The following SLC1A6 variants were observed in gnomAD, a reference collection of about 807,000 sequenced individuals.
SLC1A6 encodes the protein solute carrier family 1 member 6.
Under a neutral mutation model 42.1 loss-of-function variants are expected in SLC1A6, and 15 were observed. That is an observed-to-expected ratio of 0.36 (90% confidence interval 0.24 to 0.55). The LOEUF is 0.55. Among genes scored for constraint, SLC1A6 ranks in the 20% least tolerant of loss-of-function variants. The probability of loss-of-function intolerance (pLI) is 0.88; values close to 1 mark genes in which losing one functional copy is unlikely to be tolerated. For synonymous variants in SLC1A6, 317 were observed against 319.7 expected, an observed-to-expected ratio of 0.99 and a Z score of 0.09; for missense variants, 542 against 772.5, an observed-to-expected ratio of 0.70 and a Z score of 3.54.
At chr19:15,001,034 T>G (rs553599631) in intron 1 of SLC1A6, among the ~76,000 whole-genome samples, 26 of 152,180 alleles carry the variant, frequency 1.7e-4, no homozygotes, top group Non-Finnish European at 2.9e-4. Flanking sequence ...AACAGGAATG[T>G]TCATAGCAGA....
chr19:14,987,848 C>G (rs73514057), intron 1 of SLC1A6, among the ~76,000 whole-genome samples: 4 of 151,974 alleles, frequency 2.6e-5, no homozygotes, highest in African/African-American at 9.7e-5. Context: ...TCGGTTTTGG[C>G]TTTTTTATTT....
At chr19:14,954,076 G>C in intron 8 of SLC1A6, 59 bp downstream of exon 8, 19 of 1,290,500 alleles carry the variant, frequency 1.5e-5, no homozygotes, top group East Asian at 7.5e-5. Flanking sequence ...AACCCTCCCA[G>C]CCAAGCTGAT....
intron 1 of SLC1A6, among the ~76,000 whole-genome samples, chr19:14,987,569 A>G (rs2045799212): frequency 6.6e-6 from 1 of 152,152 alleles, no homozygotes; most frequent in African/African-American, 2.4e-5. Context: ...GCAGTTAGTG[A>G]ATGTCCGAGT....
chr19:14,980,883 T>C (rs558788791), upstream of SLC1A6, among the ~76,000 whole-genome samples: 71 of 152,256 alleles, frequency 4.7e-4, no homozygotes, highest in Non-Finnish European at 9.1e-4. Context: ...AGGAAACAGA[T>C]GCCCCAATTC....
intron 1 of SLC1A6, chr19:15,010,425 C>A: frequency 2.2e-6 from 1 of 463,700 alleles, no homozygotes; most frequent in Admixed American, 2.4e-5. Context: ...GGGCCATGTG[C>A]TGGAAGGTAA....
intron 1 of SLC1A6, among the ~76,000 whole-genome samples, chr19:14,989,044 T>C (rs1252734765): frequency 6.6e-6 from 1 of 151,974 alleles, no homozygotes; most frequent in African/African-American, 2.4e-5. Flanking sequence ...GAAAGTCAAA[T>C]ACCAAATGTT....
At chr19:14,999,116 GAT>G (rs797013036) in intron 1 of SLC1A6, among the ~76,000 whole-genome samples, 13 of 152,060 alleles carry the variant, frequency 8.5e-5, no homozygotes, top group African/African-American at 3.1e-4. Flanking sequence ...CTGACCTCGT[GAT>G]TCACCTGCCT....
chr19:14,995,320 C>A (rs780580052), intron 1 of SLC1A6, among the ~76,000 whole-genome samples: 1 of 75,592 alleles, frequency 1.3e-5, no homozygotes, highest in African/African-American at 5.6e-5. Context: ...AGTGAAACTC[C>A]ATCTCCAAAA....
At chr19:15,009,957 AT>A (rs1437837304) in intron 1 of SLC1A6, among the ~76,000 whole-genome samples, 1 of 152,078 alleles carries the variant, frequency 6.6e-6, no homozygotes, top group Non-Finnish European at 1.5e-5. Context: ...AGGCAGGAGA[AT>A]CACGAGGTCA....
intron 6 of SLC1A6, among the ~76,000 whole-genome samples, chr19:14,960,762 A>T (rs753809965): frequency 1.2e-4 from 18 of 152,122 alleles, no homozygotes; most frequent in Non-Finnish European, 1.5e-5. Context: ...GTTACCAGGG[A>T]CTCGCAGGAA....
chr19:14,979,899 C>G (rs2045755510), upstream of SLC1A6: 1 of 152,186 alleles, frequency 6.6e-6, no homozygotes, highest in Admixed American at 6.5e-5. The surrounding 1 kb of genome is among the most constrained non-coding windows in gnomAD (Gnocchi z 4.2). Context: ...TCTCCGGCAT[C>G]CAGCCCCCGC....
In SLC1A6 at chr19:14,954,241, C is replaced by T. The variant is rs2045439825; in HGVS notation, c.1258G>A (p.Ala420Thr). Residue 420 changes from alanine to threonine, a missense_variant, in exon 8 of 10, where the codon GCC (alanine) becomes ACC (threonine). By Grantham distance (58) the Ala-to-Thr change is moderately conservative. Around this residue, in one of 6 missense-constraint regions of SLC1A6, gnomAD observed 54 missense variants for 125.1 expected, o/e 0.43. Coordinates refer to ENST00000594383, the MANE Select transcript of SLC1A6 (RefSeq NM_005071.3). ...GCAGTGCCATCCATGTTGACCGTGGCGCCCACGGGCAGGACGAACCTGGTG... is the reference window on the plus strand; with the variant it reads ...GCAGTGCCATCCATGTTGACCGTGGTGCCCACGGGCAGGACGAACCTGGTG... ...RITRFVLPVG[A>T]TVNMDGTALY... 1 of 1,614,042 alleles carries T rather than the reference C, an allele frequency of 6.2e-7. No individual in the cohort carries two copies. The highest frequency in any genetic ancestry group is 8.5e-7 in the Non-Finnish European group (1 of 1,179,956).
intron 6 of SLC1A6, among the ~76,000 whole-genome samples, chr19:14,957,384 A>G (rs1454685962): frequency 6.6e-6 from 1 of 152,140 alleles, no homozygotes; most frequent in Non-Finnish European, 1.5e-5. Flanking sequence ...TTGAGATCCT[A>G]ACCCCCAATG....
chr19:14,991,112 A>G (rs552815236), intron 1 of SLC1A6, among the ~76,000 whole-genome samples: 50 of 152,348 alleles, frequency 3.3e-4, no homozygotes, highest in Admixed American at 4.6e-4. Flanking sequence ...GCCGGATACA[A>G]AAGGCCACAT....
intron 9 of SLC1A6, 38 bp downstream of exon 9, chr19:14,952,890 A>T (rs764103561): frequency 8.1e-6 from 13 of 1,604,274 alleles, no homozygotes; most frequent in Non-Finnish European, 9.4e-6. Flanking sequence ...GTGTGTGCAG[A>T]AGCAGGAGCA....
rs182598074 is a variant in SLC1A6 at position 14,998,826 on chromosome 19, T to A, written c.6+11659A>T. On this transcript the variant is annotated intron_variant, in intron 1 of 8. Coordinates refer to the SLC1A6 transcript ENST00000430939. ...CTGATCCAGGAGAGAATTAACTGGG[T>A]CTAGAACCTTTTTAAGTCTGATAAG... Among the ~76,000 whole-genome samples, 6 of 152,126 alleles carry A rather than the reference T, an allele frequency of 3.9e-5. No homozygotes were observed. The East Asian group carries it at 1.2e-3, about 29-fold the overall frequency.
At chr19:14,995,930 G>A (rs1025190300) in intron 1 of SLC1A6, among the ~76,000 whole-genome samples, 3 of 152,074 alleles carry the variant, frequency 2.0e-5, no homozygotes. Flanking sequence ...AAGAGAGAGG[G>A]AAGGAAAAGG....
intron 6 of SLC1A6, among the ~76,000 whole-genome samples, chr19:14,959,833 T>C (rs1458389157): frequency 6.6e-6 from 1 of 152,268 alleles, no homozygotes; most frequent in African/African-American, 2.4e-5. Context: ...ACCTTCTTCA[T>C]GACTCCCTCT....
At chr19:14,988,973 C>T (rs1314227956) in intron 1 of SLC1A6, among the ~76,000 whole-genome samples, 1 of 152,108 alleles carries the variant, frequency 6.6e-6, no homozygotes, top group Non-Finnish European at 1.5e-5. Flanking sequence ...GAGCCATGAT[C>T]GTGCCACTGC....
Sources: allele counts gnomAD v4.1 joint callset (sites outside exome capture counted in the v4.1 genomes callset), GRCh38; gene constraint gnomAD v4.1.1; regional missense constraint gnomAD v4.1.1; non-coding constraint Gnocchi (gnomAD v3.1); transcripts MANE v1.5; gene names NCBI Gene and HGNC (gene_info 2026-07-23, HGNC 2026-07-21).